Variants in WDFY3 observed in about 807,000 individuals in gnomAD.
WDFY3 encodes the protein WD repeat and FYVE domain containing 3.
WDFY3 carries 66 observed loss-of-function variants against 409.6 expected under a neutral mutation model. That is an observed-to-expected ratio of 0.16 (90% CI 0.13 to 0.20). The LOEUF (loss-of-function observed/expected upper bound fraction) is 0.20, where lower values mean the gene tolerates loss of function less well. Ranked by LOEUF, WDFY3 falls within the 10% of genes least tolerant of loss-of-function variation. WDFY3 has a pLI of 1.00. For missense variants in WDFY3, 3,031 were observed against 4,298.1 expected (o/e 0.71, Z 8.24); for synonymous variants, 1,521 against 1,537.1 (o/e 0.99, Z 0.25).
At chr4:84,738,137 T>G (rs1011971412) in intron 40 of WDFY3, among the ~76,000 whole-genome samples, 29 of 152,166 alleles carry the variant, frequency 1.9e-4, no homozygotes, top group African/African-American at 5.8e-4. Context: ...GCTGGGCTTC[T>G]CAACAATGAA....
rs957218417 is a variant in WDFY3, at chr4:84,840,497, C to G, written c.414+657G>C. On this transcript the variant is annotated intron_variant, in intron 6 of 67. Transcript: ENST00000295888. ...CAGTGACAAAAGTGCTGGCCTGGGCCTGATGGACCCAGAGCTCCTGAGCTA... is the reference window on the plus strand; with the variant it reads ...CAGTGACAAAAGTGCTGGCCTGGGCGTGATGGACCCAGAGCTCCTGAGCTA... Among the ~76,000 whole-genome samples, 4 of 152,312 alleles carry G rather than the reference C, an allele frequency of 2.6e-5. No homozygotes were observed. The East Asian group carries it at 7.7e-4, about 29-fold the overall frequency.
intron 2 of WDFY3, among the ~76,000 whole-genome samples, chr4:84,906,017 A>G (rs1374001851): frequency 6.6e-6 from 1 of 152,184 alleles, no homozygotes; most frequent in African/African-American, 2.4e-5. Flanking sequence ...ACATCATTGG[A>G]AAATATCTAC....
intron 3 of WDFY3, among the ~76,000 whole-genome samples, chr4:84,896,173 T>C (rs1765601767): frequency 6.6e-6 from 1 of 151,964 alleles, no homozygotes; most frequent in African/African-American, 2.4e-5. Context: ...GGAGAATCGC[T>C]TGAACCGGGG....
In WDFY3 at chr4:84,830,445, G is replaced by C. The variant is rs577231757; in HGVS notation, c.769+968C>G. On this transcript the variant is annotated intron_variant, in intron 8 of 67. Transcript: ENST00000295888. ...AAGTGTTCTAGCTACTTTCAGGGTA[G>C]GCTAGGCTAAGATATGATGTTCGGT... is the stretch of plus-strand genomic sequence containing the variant. Among the ~76,000 whole-genome samples the C allele has an allele frequency of 9.9e-5, 15 of 152,268 alleles. No individual in the cohort carries two copies. The East Asian group carries it at 2.5e-3, about 25-fold the overall frequency.
Position 84,783,862 on chromosome 4 carries a change from TACAC to T in WDFY3, c.4063-792_4063-789del, listed in dbSNP as rs137878462. Among the ~76,000 whole-genome samples the T allele has an allele frequency of 5.8e-3, 816 of 140,922 alleles. 3 individuals are homozygous for T. Among genetic ancestry groups the T allele is most frequent in the Middle Eastern group, 0.011 (3 of 270 alleles). The allele number at this position is 140,922 out of a possible 152,430, so 92.5% of individuals were successfully genotyped here. On this transcript the variant is annotated intron_variant, in intron 24 of 67. Transcript: ENST00000295888. Reference sequence around the variant, plus strand: ...CTTAGATATGTATATGTGTCATACATACACACACACACACACACACACACACACA... The same window carrying T: ...CTTAGATATGTATATGTGTCATACATACACACACACACACACACACACACA...
At chr4:84,930,513 G>T (rs754658947) in intron 2 of WDFY3, among the ~76,000 whole-genome samples, 1 of 152,120 alleles carries the variant, frequency 6.6e-6, no homozygotes, top group Non-Finnish European at 1.5e-5. Context: ...AAGCTAGTAC[G>T]TGGCGATGCC....
intron 3 of WDFY3, among the ~76,000 whole-genome samples, chr4:84,867,486 T>C (rs568003985): frequency 6.6e-6 from 1 of 152,338 alleles, no homozygotes; most frequent in Admixed American, 6.5e-5. Flanking sequence ...ACAAACCCTA[T>C]TTGGGTTCAT....
At chr4:84,753,302 CA>C (rs1265375958) in intron 35 of WDFY3, among the ~76,000 whole-genome samples, 1 of 152,168 alleles carries the variant, frequency 6.6e-6, no homozygotes, top group Non-Finnish European at 1.5e-5. Context: ...TTAAATCCAG[CA>C]AATACCTACT....
chr4:84,938,376 T>C (rs909737424), intron 1 of WDFY3, among the ~76,000 whole-genome samples: 3 of 152,158 alleles, frequency 2.0e-5, no homozygotes, highest in Admixed American at 6.6e-5. Context: ...CCTCAAAATA[T>C]TTTATTAGAC....
At chr4:84,947,539 AAT>A (rs1167022959) in intron 1 of WDFY3, among the ~76,000 whole-genome samples, 98 of 146,416 alleles carry the variant, frequency 6.7e-4, no homozygotes, top group African/African-American at 2.4e-3. Flanking sequence ...TAATAATAAT[AAT>A]AAAAATAATA....
chr4:84,809,691 G>A (rs1474298400), intron 14 of WDFY3, 196 bp downstream of exon 14: 1 of 523,150 alleles, frequency 1.9e-6, no homozygotes, highest in Non-Finnish European at 3.3e-6. Context: ...ATAGTACACA[G>A]GCTTCCATGC....
In WDFY3 at chr4:84,705,489, T is replaced by C; in HGVS notation, c.8240A>G (p.Lys2747Arg). ...TGGCTTAGCCAGGTTTCTAAACGTC[T>C]TGGGATTAGTAAGATCCACCTCCTA... is the stretch of plus-strand genomic sequence containing the variant. ...DSEEVDLTNP[K>R]TFRNLAKPMG... The change falls in exon 54 of 68, where the codon AAG becomes AGG. Residue 2747 changes from lysine to arginine, a missense_variant. This residue lies in a region of WDFY3 where 129 missense variants were observed against 305.3 expected (regional missense o/e 0.42). Transcript: ENST00000295888. 1 of 1,614,000 alleles carries C rather than the reference T, an allele frequency of 6.2e-7. No individual in the cohort carries two copies. Among genetic ancestry groups the C allele is most frequent in the Non-Finnish European group, 8.5e-7 (1 of 1,179,928 alleles).
At chr4:84,882,241 C>T (rs1023753969) in intron 3 of WDFY3, among the ~76,000 whole-genome samples, 6 of 152,154 alleles carry the variant, frequency 3.9e-5, no homozygotes, top group African/African-American at 1.4e-4. Flanking sequence ...GGCTATTTCT[C>T]GCCCTACCAC....
At chr4:84,713,700 A>T (rs1173034638) in intron 50 of WDFY3, among the ~76,000 whole-genome samples, 1 of 152,254 alleles carries the variant, frequency 6.6e-6, no homozygotes, top group Admixed American at 6.5e-5. Flanking sequence ...CAGGATCTGT[A>T]TCACCCTTCA....
chr4:84,784,510 A>G (rs1747119008), intron 24 of WDFY3, among the ~76,000 whole-genome samples: 2 of 151,968 alleles, frequency 1.3e-5, no homozygotes, highest in African/African-American at 4.8e-5. Flanking sequence ...CTCATTCCAC[A>G]TTCTATCACA....
chr4:84,803,643 T>C (rs981721100), intron 15 of WDFY3, among the ~76,000 whole-genome samples, 176 bp from the exon 16 acceptor site: 1 of 152,104 alleles, frequency 6.6e-6, no homozygotes, highest in Non-Finnish European at 1.5e-5. Flanking sequence ...TCCGCATGTG[T>C]GTGGGTGGGT....
At chr4:84,809,746 A>T in intron 14 of WDFY3, 141 bp downstream of exon 14, 1 of 776,302 alleles carries the variant, frequency 1.3e-6, no homozygotes, top group Non-Finnish European at 2.0e-6. Flanking sequence ...AATATTCAAA[A>T]ATAAAGTGAT....
In WDFY3 at chr4:84,875,966, A is replaced by G. The variant is rs1762728331; in HGVS notation, c.-31-15344T>C. Among the ~76,000 whole-genome samples the G allele has an allele frequency of 3.3e-5, 5 of 152,236 alleles. No homozygotes were observed. In the South Asian group the frequency reaches 1.0e-3, roughly 32 times the overall value. On this transcript the variant is annotated intron_variant, in intron 3 of 67. Transcript: ENST00000295888. ...CTTTTTATAAGTGGGAGTATCCTCT[A>G]AAATAAAGATTAAAAGTATAGTATA... is the stretch of plus-strand genomic sequence containing the variant.
intron 3 of WDFY3, among the ~76,000 whole-genome samples, chr4:84,876,397 C>G (rs753158969): frequency 1.6e-4 from 24 of 152,262 alleles, no homozygotes; most frequent in Non-Finnish European, 2.6e-4. Flanking sequence ...CAGATACGTT[C>G]TGTGTGTAAG....
Sources: gnomAD v4.1 joint callset for allele counts (sites outside exome capture counted in the v4.1 genomes callset) on GRCh38, gnomAD v4.1.1 for gene constraint, gnomAD v4.1.1 regional missense constraint, MANE v1.5 for transcripts, NCBI Gene and HGNC (gene_info 2026-07-23, HGNC 2026-07-21) for gene names.